The following PIEZO2 variants were observed in gnomAD, a reference collection of about 807,000 sequenced individuals.
PIEZO2 encodes piezo type mechanosensitive ion channel component 2.
Under a neutral mutation model 337.3 loss-of-function variants are expected in PIEZO2, and 172 were observed. The observed-to-expected ratio is 0.51, with a 90% CI of 0.45 to 0.58. PIEZO2 has a LOEUF of 0.58. Among genes scored for constraint, PIEZO2 ranks in the 20% least tolerant of loss-of-function variants. PIEZO2 has a pLI of 0.00. For synonymous variants in PIEZO2, 1,251 were observed against 1,228.5 expected (o/e 1.02, Z -0.38); for missense variants, 3,028 against 3,391.3 (o/e 0.89, Z 2.66).
intron 50 of PIEZO2, 151 bp downstream of exon 50, chr18:10,681,953 C>G: frequency 4.5e-6 from 4 of 887,510 alleles, no homozygotes; most frequent in East Asian, 5.3e-5. Context: ...TCAGTGTCTT[C>G]TGCACCTTAT....
chr18:10,937,017 T>C (rs938839520), intron 3 of PIEZO2, among the ~76,000 whole-genome samples: 1 of 152,218 alleles, frequency 6.6e-6, no homozygotes, highest in African/African-American at 2.4e-5. Flanking sequence ...TTAAGTCTAC[T>C]CTGGTTCTTC....
chr18:10,997,540 G>A (rs936064294), intron 2 of PIEZO2, among the ~76,000 whole-genome samples: 1 of 151,970 alleles, frequency 6.6e-6, no homozygotes, highest in African/African-American at 2.4e-5. Context: ...TAAATATAAA[G>A]ATAAACATTA....
intron 27 of PIEZO2, 29 bp from the exon 28 acceptor site, chr18:10,752,908 C>A (rs1045538323): frequency 9.2e-6 from 14 of 1,516,056 alleles, no homozygotes; most frequent in Non-Finnish European, 1.2e-5. Context: ...GACAAAAAGA[C>A]AACAACAACA....
rs971862450 is a variant in PIEZO2, at chr18:11,128,345, T to C, written c.64+20180A>G. On this transcript the variant is annotated intron_variant, in intron 1 of 55. Coordinates refer to ENST00000674853, the MANE Select transcript of PIEZO2 (RefSeq NM_001378183.1). This position sits in a 1 kb window ranked among gnomAD's most constrained non-coding sequence, Gnocchi z 4.1. The stretch of plus-strand genomic sequence containing the variant: ...GAAAAACAGACACAAGCTCTTATCA[T>C]GAGAGTGGCTGACCTGCAACGAAAG... Among the ~76,000 whole-genome samples the C allele has an allele frequency of 4.6e-5, 7 of 152,270 alleles. No individual in the cohort carries two copies. The highest frequency in any genetic ancestry group is 1.7e-4 in the African/African-American group (7 of 41,544).
intron 3 of PIEZO2, among the ~76,000 whole-genome samples, chr18:10,919,652 G>T (rs190984960): frequency 2.0e-3 from 298 of 152,146 alleles, no homozygotes; most frequent in African/African-American, 6.5e-3. Flanking sequence ...CCTTAACATT[G>T]TTTCTTTTCA....
rs1249640202 is a variant in PIEZO2 at position 10,962,311 on chromosome 18, A to C, written c.286+17224T>G. On this transcript the variant is annotated intron_variant, in intron 3 of 55. Coordinates refer to ENST00000674853, the MANE Select transcript of PIEZO2 (RefSeq NM_001378183.1). The surrounding 1 kb of genome is among the most constrained non-coding windows in gnomAD (Gnocchi z 4.1). ...CTGCATCTCCCCTCCGCTTGCCTGC[A>C]GCTTTTCCTGGTCACTCACGGCCCT... 6.6e-6 allele frequency among the ~76,000 whole-genome samples: 1 copy of C among 152,134 alleles called. No individual in the cohort carries two copies. Among genetic ancestry groups the C allele is most frequent in the East Asian group, 1.9e-4 (1 of 5,188 alleles).
Position 11,070,649 on chromosome 18 carries a change from G to C in PIEZO2, c.65-4427C>G. ...CTAGACTGTCGTGACTGCCGGTAAG[G>C]ATGTCCTTGCAGGCCCTCGCAGAAG... is the stretch of plus-strand genomic sequence containing the variant. On this transcript the variant is annotated intron_variant, in intron 1 of 55. Coordinates refer to ENST00000674853, the MANE Select transcript of PIEZO2 (RefSeq NM_001378183.1). The surrounding 1 kb of genome is among the most constrained non-coding windows in gnomAD (Gnocchi z 4.3). 6.6e-6 allele frequency among the ~76,000 whole-genome samples: 1 copy of C among 152,230 alleles called. No individual in the cohort carries two copies. The highest frequency in any genetic ancestry group is 1.5e-5 in the Non-Finnish European group (1 of 68,040).
chr18:11,114,677 A>G (rs2039835487), intron 1 of PIEZO2, among the ~76,000 whole-genome samples: 1 of 152,150 alleles, frequency 6.6e-6, no homozygotes, highest in Non-Finnish European at 1.5e-5. Flanking sequence ...ACAAAAAAAA[A>G]AAGGCAGTTG....
chr18:11,029,369 C>A (rs954687602), intron 2 of PIEZO2, among the ~76,000 whole-genome samples: 2 of 152,124 alleles, frequency 1.3e-5, no homozygotes, highest in East Asian at 1.9e-4. Context: ...CAAATTCATC[C>A]GTAAGTTTTG....
rs1479104852 is a variant in PIEZO2 at position 10,781,798 on chromosome 18, T to A, written c.2493-1432A>T. Among the ~76,000 whole-genome samples, 4 of 151,934 alleles carry A rather than the reference T, an allele frequency of 2.6e-5. No homozygotes were observed. The highest frequency in any genetic ancestry group is 5.9e-5 in the Non-Finnish European group (4 of 68,002). On this transcript the variant is annotated intron_variant, in intron 17 of 55. Coordinates refer to ENST00000674853, the MANE Select transcript of PIEZO2 (RefSeq NM_001378183.1). This position sits in a 1 kb window ranked among gnomAD's most constrained non-coding sequence, Gnocchi z 4.1. Reference sequence around the variant, plus strand: ...AAGTGACACAACAGGAAAATAAGAGTTGCATATCTCCAGAGACAACAGTGT... The same window carrying A: ...AAGTGACACAACAGGAAAATAAGAGATGCATATCTCCAGAGACAACAGTGT...
At chr18:10,683,776 G>C (rs1391626083) in intron 49 of PIEZO2, among the ~76,000 whole-genome samples, 1 of 152,190 alleles carries the variant, frequency 6.6e-6, no homozygotes, top group Non-Finnish European at 1.5e-5. Context: ...ACTGGATCAT[G>C]AAAGTTTTGC....
At chr18:10,806,466 A>G (rs1418661092) in intron 8 of PIEZO2, among the ~76,000 whole-genome samples, 1 of 152,012 alleles carries the variant, frequency 6.6e-6, no homozygotes, top group Non-Finnish European at 1.5e-5. Flanking sequence ...CCTTGTTCAT[A>G]TTTTCATAGG....
At chr18:10,913,088 T>C (rs924258086) in intron 3 of PIEZO2, among the ~76,000 whole-genome samples, 2 of 152,096 alleles carry the variant, frequency 1.3e-5, no homozygotes, top group South Asian at 2.1e-4. Flanking sequence ...CAATTAAGAA[T>C]CCCTTTCTCA....
chr18:10,861,356 C>T lies in PIEZO2; in HGVS notation c.493-4145G>A, dbSNP rs562242256. On this transcript the variant is annotated intron_variant, in intron 5 of 55. Transcript: ENST00000674853. The surrounding 1 kb of genome is among the most constrained non-coding windows in gnomAD (Gnocchi z 4.3). ...ATAAATGATTATACAGATTATTGAC[C>T]ATGTCAAAATCTAAAACTTATTTAA... Among the ~76,000 whole-genome samples the T allele has an allele frequency of 2.0e-5, 3 of 152,250 alleles. No homozygotes were observed. In the East Asian group the frequency reaches 5.8e-4, roughly 29 times the overall value.
rs7232320 is a variant in PIEZO2 at position 10,773,161 on chromosome 18, A to G, written c.2785+251T>C. On this transcript the variant is annotated intron_variant, in intron 20 of 55. Transcript: ENST00000674853. This position sits in a 1 kb window ranked among gnomAD's most constrained non-coding sequence, Gnocchi z 5.3. The stretch of plus-strand genomic sequence containing the variant: ...TCAACACCATGCCCCACCAGTGTCT[A>G]GACAGGAGCACTACTTGAGGGTCAG... Among the ~76,000 whole-genome samples the G allele has an allele frequency of 0.84, 128,521 of 152,148 alleles. 54,363 individuals carry two copies. The highest frequency in any genetic ancestry group is 0.93 in the East Asian group (4,798 of 5,162).
In PIEZO2 at chr18:10,988,550, A is replaced by G. The variant is rs1212305547; in HGVS notation, c.161-8890T>C. 6.6e-6 allele frequency among the ~76,000 whole-genome samples: 1 copy of G among 152,188 alleles called. No individual in the cohort carries two copies. Among genetic ancestry groups the G allele is most frequent in the African/African-American group, 2.4e-5 (1 of 41,432 alleles). ...GTATGGAGATTCTTAAAAATTAAAA[A>G]TAGAACTGCTAAATAATCCCACTTC... On this transcript the variant is annotated intron_variant, in intron 2 of 55. Coordinates refer to ENST00000674853, the MANE Select transcript of PIEZO2 (RefSeq NM_001378183.1). This position sits in a 1 kb window ranked among gnomAD's most constrained non-coding sequence, Gnocchi z 4.8.
intron 36 of PIEZO2, among the ~76,000 whole-genome samples, chr18:10,721,505 A>G (rs993249044): frequency 4.0e-5 from 6 of 151,242 alleles, no homozygotes; most frequent in African/African-American, 1.5e-4. Context: ...TTTCAAGATG[A>G]CCAAAGAACA....
In PIEZO2 at chr18:11,127,532, T is replaced by C. The variant is rs1443328707; in HGVS notation, c.64+20993A>G. On this transcript the variant is annotated intron_variant, in intron 1 of 55. Transcript: ENST00000674853. The surrounding 1 kb of genome is among the most constrained non-coding windows in gnomAD (Gnocchi z 4.5). ...CAGGCCTAGTCTCCTAGTCTACATCTTTCTCCTGTGCTGAATGCTTCCTGC... is the reference window on the plus strand; with the variant it reads ...CAGGCCTAGTCTCCTAGTCTACATCCTTCTCCTGTGCTGAATGCTTCCTGC... Among the ~76,000 whole-genome samples the C allele has an allele frequency of 6.6e-6, 1 of 152,054 alleles. No homozygotes were observed. Among genetic ancestry groups the C allele is most frequent in the Non-Finnish European group, 1.5e-5 (1 of 68,010 alleles).
rs2039365354 is a variant in PIEZO2 at position 11,099,995 on chromosome 18, T to C, written c.65-33773A>G. On this transcript the variant is annotated intron_variant, in intron 1 of 55. Coordinates refer to ENST00000674853, the MANE Select transcript of PIEZO2 (RefSeq NM_001378183.1). The surrounding 1 kb of genome is among the most constrained non-coding windows in gnomAD (Gnocchi z 5.4). Reference sequence around the variant, plus strand: ...GTCATTTGTCTTCATAGTTTGTTTATAGTCTTTTGTCATAAAAAACTTATT... The same window carrying C: ...GTCATTTGTCTTCATAGTTTGTTTACAGTCTTTTGTCATAAAAAACTTATT... 6.6e-6 allele frequency among the ~76,000 whole-genome samples: 1 copy of C among 152,208 alleles called. No individual in the cohort carries two copies. Among genetic ancestry groups the C allele is most frequent in the African/African-American group, 2.4e-5 (1 of 41,468 alleles).
Sources: gnomAD v4.1 joint callset for allele counts (sites outside exome capture counted in the v4.1 genomes callset) on GRCh38, gnomAD v4.1.1 for gene constraint, Gnocchi (gnomAD v3.1) non-coding constraint, MANE v1.5 for transcripts, NCBI Gene and HGNC (gene_info 2026-07-23, HGNC 2026-07-21) for gene names.